Variants in PDE3A observed in about 807,000 individuals in gnomAD.
The protein encoded by PDE3A is phosphodiesterase 3A, also known as cGMP-inhibited 3',5'-cyclic phosphodiesterase 3A.
A neutral mutation model predicts 98.3 loss-of-function variants in PDE3A; 43 were observed. The observed-to-expected ratio is 0.44, with a 90% CI of 0.34 to 0.56. The LOEUF (loss-of-function observed/expected upper bound fraction) is 0.56. Ranked by LOEUF, PDE3A falls within the 20% of genes least tolerant of loss-of-function variation. The probability of loss-of-function intolerance (pLI) is 0.01; values close to 1 mark genes in which losing one functional copy is unlikely to be tolerated. For missense variants in PDE3A, 1,427 were observed against 1,440.7 expected (o/e 0.99, Z 0.15); for synonymous variants, 663 against 567.9 (o/e 1.17, Z -2.38).
At chr12:20,611,670 A>G (rs1370961109) in intron 2 of PDE3A, among the ~76,000 whole-genome samples, 4 of 151,994 alleles carry the variant, frequency 2.6e-5, no homozygotes, top group Admixed American at 2.6e-4. Flanking sequence ...CTGTATGATA[A>G]TTTTACAGAG....
At chr12:20,543,914 T>A (rs1241614444) in intron 1 of PDE3A, among the ~76,000 whole-genome samples, 3 of 151,914 alleles carry the variant, frequency 2.0e-5, no homozygotes, top group Non-Finnish European at 4.4e-5. Context: ...TATTATTAGC[T>A]AAGTCATGGA....
chr12:20,632,699 A>G (rs1944408187), intron 6 of PDE3A, among the ~76,000 whole-genome samples: 1 of 151,912 alleles, frequency 6.6e-6, no homozygotes, highest in Non-Finnish European at 1.5e-5. Flanking sequence ...GGTTTACGGT[A>G]CATCTAGGGC....
chr12:20,639,232 G>A (rs1944591672), intron 9 of PDE3A, among the ~76,000 whole-genome samples: 1 of 152,052 alleles, frequency 6.6e-6, no homozygotes, highest in South Asian at 2.1e-4. Flanking sequence ...TATTTTCTAA[G>A]AGTCATGGAT....
At chr12:20,573,799 T>C (rs1942861985) in intron 2 of PDE3A, among the ~76,000 whole-genome samples, 1 of 152,110 alleles carries the variant, frequency 6.6e-6, no homozygotes, top group Non-Finnish European at 1.5e-5. Flanking sequence ...AATCCCTATA[T>C]TGTGATAGAG....
At chr12:20,386,140 TAA>T (rs1565532607) in intron 1 of PDE3A, among the ~76,000 whole-genome samples, 3 of 84,948 alleles carry the variant, frequency 3.5e-5, no homozygotes, top group Non-Finnish European at 6.0e-5. Flanking sequence ...TAAATATATA[TAA>T]ATATATATAT....
At chr12:20,437,566 G>A (rs1258851584) in intron 1 of PDE3A, among the ~76,000 whole-genome samples, 4 of 152,168 alleles carry the variant, frequency 2.6e-5, no homozygotes, top group Non-Finnish European at 5.9e-5. Flanking sequence ...GGAAGCAGGA[G>A]CAGGTGTGTC....
intron 1 of PDE3A, among the ~76,000 whole-genome samples, chr12:20,391,062 C>T (rs1046526341): frequency 6.6e-6 from 1 of 151,812 alleles, no homozygotes; most frequent in Non-Finnish European, 1.5e-5. Context: ...ACTGTTGTAA[C>T]CTTTGATCAC....
intron 2 of PDE3A, among the ~76,000 whole-genome samples, chr12:20,568,693 G>A (rs1942722132): frequency 6.6e-6 from 1 of 151,900 alleles, no homozygotes; most frequent in African/African-American, 2.4e-5. Context: ...ATTTGATGCA[G>A]TATTTTTGTT....
chr12:20,661,719 G>A (rs1945174888), intron 15 of PDE3A, among the ~76,000 whole-genome samples: 1 of 152,170 alleles, frequency 6.6e-6, no homozygotes, highest in South Asian at 2.1e-4. Flanking sequence ...AAAGAACTGA[G>A]GTTTGGGAAC....
At chr12:20,652,669 G>T (rs1270390444) in intron 14 of PDE3A, among the ~76,000 whole-genome samples, 1 of 151,898 alleles carries the variant, frequency 6.6e-6, no homozygotes, top group Non-Finnish European at 1.5e-5. Context: ...CTGGATATTA[G>T]CCCTTTGTCA....
At chr12:20,408,871 G>A (rs917882639) in intron 1 of PDE3A, among the ~76,000 whole-genome samples, 2 of 152,090 alleles carry the variant, frequency 1.3e-5, no homozygotes, top group African/African-American at 4.8e-5. Flanking sequence ...ATATTATTTC[G>A]ATTGCACAGT....
At chr12:20,392,548 T>TA (rs1267041558) in intron 1 of PDE3A, among the ~76,000 whole-genome samples, 13 of 137,958 alleles carry the variant, frequency 9.4e-5, no homozygotes, top group African/African-American at 3.4e-4. Context: ...AATAAATAAA[T>TA]AAATAAATAA....
intron 1 of PDE3A, among the ~76,000 whole-genome samples, chr12:20,474,488 C>G (rs971011740): frequency 6.6e-6 from 1 of 152,172 alleles, no homozygotes; most frequent in African/African-American, 2.4e-5. Flanking sequence ...AACTCAGTGG[C>G]TTAAAACAAC....
intron 2 of PDE3A, among the ~76,000 whole-genome samples, chr12:20,605,484 A>AAT (rs1378653820): frequency 2.7e-5 from 4 of 150,720 alleles, no homozygotes; most frequent in South Asian, 2.1e-4. Flanking sequence ...GTAATTTTAA[A>AAT]ATCTTTTTCT....
intron 1 of PDE3A, among the ~76,000 whole-genome samples, chr12:20,506,617 A>G (rs899463763): frequency 1.3e-5 from 2 of 152,172 alleles, no homozygotes; most frequent in East Asian, 3.9e-4. Flanking sequence ...ACGAATTTAT[A>G]ATTTGGCTCA....
intron 1 of PDE3A, among the ~76,000 whole-genome samples, chr12:20,473,294 A>G (rs1296348247): frequency 1.3e-5 from 2 of 152,182 alleles, no homozygotes; most frequent in Non-Finnish European, 2.9e-5. Context: ...TTGTCGAGTC[A>G]TATTTGAATG....
intron 1 of PDE3A, among the ~76,000 whole-genome samples, chr12:20,415,200 C>T (rs529719481): frequency 7.2e-5 from 11 of 152,008 alleles, no homozygotes; most frequent in East Asian, 5.8e-4. Flanking sequence ...GGCTTTCCCA[C>T]GCTCCTTTTT....
chr12:20,449,573 G>C, intron 1 of PDE3A: 1 of 302,092 alleles, frequency 3.3e-6, no homozygotes, highest in Non-Finnish European at 6.5e-6. Flanking sequence ...CCTTCCATGT[G>C]GGGTATCTGA....
intron 1 of PDE3A, among the ~76,000 whole-genome samples, chr12:20,396,966 A>G (rs1944031203): frequency 6.6e-6 from 1 of 152,094 alleles, no homozygotes; most frequent in Non-Finnish European, 1.5e-5. Flanking sequence ...CTGTGGCTTT[A>G]GGTAAATTGT....
Sources: gnomAD v4.1 joint callset for allele counts (sites outside exome capture counted in the v4.1 genomes callset) on GRCh38, gnomAD v4.1.1 for gene constraint, MANE v1.5 for transcripts, NCBI Gene and HGNC (gene_info 2026-07-23, HGNC 2026-07-21) for gene names.